B3GNT7: variants seen among roughly 807,000 people sequenced by gnomAD.
The protein encoded by B3GNT7 is UDP-GlcNAc:betaGal beta-1,3-N-acetylglucosaminyltransferase 7, also known as BGnT-7.
B3GNT7 carries 9 observed loss-of-function variants against 5.1 expected under a neutral mutation model. The observed-to-expected ratio is 1.77, with a 90% CI of 1.07 to 3.09. The LOEUF (loss-of-function observed/expected upper bound fraction) is 3.09, where lower values mean the gene tolerates loss of function less well. Among genes scored for constraint, B3GNT7 ranks in the 30% most tolerant of loss-of-function variants. B3GNT7 has a pLI of 0.00. For synonymous variants in B3GNT7, 253 were observed against 248.6 expected (o/e 1.02, Z -0.17); for missense variants, 468 against 550.8 (o/e 0.85, Z 1.50).
In B3GNT7 at chr2:231,398,705, T is replaced by G; in HGVS notation, c.986T>G (p.Phe329Cys). The change falls in exon 2 of 2, where the codon TTT becomes TGT. Residue 329 changes from phenylalanine to cysteine, a missense_variant. Coordinates refer to ENST00000287590, the MANE Select transcript of B3GNT7 (RefSeq NM_145236.3). ...TLELYPIDDV[F>C]LGMCLEVLGV... ...GAGCTCTACCCGATCGACGACGTCT[T>G]TCTGGGCATGTGCCTGGAGGTGCTG... The G allele has an allele frequency of 6.2e-7, 1 of 1,611,958 alleles. No homozygotes were observed. The highest frequency in any genetic ancestry group is 8.5e-7 in the Non-Finnish European group (1 of 1,179,804).
In B3GNT7 at chr2:231,398,153, C is replaced by T. The variant is rs1485862906; in HGVS notation, c.434C>T (p.Thr145Met). Reference sequence around the variant, plus strand: ...CTGGTGGTTGTCAAGTCGGTCATCACGCAGCACGACCGCCGCGAGGCCATC... The same window carrying T: ...CTGGTGGTTGTCAAGTCGGTCATCATGCAGCACGACCGCCGCGAGGCCATC... The part of the protein sequence containing the change: ...YLLVVVKSVI[T>M]QHDRREAIRQ... Residue 145 changes from threonine to methionine, a missense_variant, in exon 2 of 2, where the codon ACG (threonine) becomes ATG (methionine). Physicochemically the swap from Thr to Met is moderately conservative, Grantham distance 81 (BLOSUM62 -1). Coordinates refer to ENST00000287590, the MANE Select transcript of B3GNT7 (RefSeq NM_145236.3). 5.0e-6 allele frequency: 8 copies of T among 1,595,614 alleles called. No individual in the cohort carries two copies. Among genetic ancestry groups the T allele is most frequent in the East Asian group, 2.2e-5 (1 of 44,672 alleles).
chr2:231,398,250 G>A lies in B3GNT7; in HGVS notation c.531G>A (p.Leu177=), dbSNP rs1223266856. The A allele has an allele frequency of 2.5e-6, 4 of 1,611,890 alleles. No individual in the cohort carries two copies. The highest frequency in any genetic ancestry group is 2.7e-5 in the African/African-American group (2 of 74,924). Residue 177 remains leucine, a synonymous_variant, in exon 2 of 2, where the codon CTG becomes CTA. Coordinates refer to ENST00000287590, the MANE Select transcript of B3GNT7 (RefSeq NM_145236.3). ...GRGAVRTLFL[L]GTASKQEERT... Reference sequence around the variant, plus strand: ...GCGCCGTGCGCACCCTCTTCCTGCTGGGCACGGCCTCCAAGCAGGAGGAGC... The same window carrying A: ...GCGCCGTGCGCACCCTCTTCCTGCTAGGCACGGCCTCCAAGCAGGAGGAGC...
Position 231,400,914 on chromosome 2 carries a change from C to T in B3GNT7, c.*1989C>T, listed in dbSNP as rs796182315. On this transcript the variant is annotated 3_prime_UTR_variant, in exon 2 of 2. Coordinates refer to ENST00000287590, the MANE Select transcript of B3GNT7 (RefSeq NM_145236.3). The stretch of plus-strand genomic sequence containing the variant: ...TAATAATATTAACCCCTGACCAAAA[C>T]GACTGGTGTTATCTGTAAATCCCAG... 1 of 152,224 alleles carries T rather than the reference C, an allele frequency of 6.6e-6. No individual in the cohort carries two copies. Among genetic ancestry groups the T allele is most frequent in the Admixed American group, 6.5e-5 (1 of 15,282 alleles). The allele number at this position is 152,224 out of a possible 1,614,324, so 9.4% of individuals were successfully genotyped here.
At chr2:231,396,930 C>G (rs1382546420) in intron 1 of B3GNT7, among the ~76,000 whole-genome samples, 1 of 152,216 alleles carries the variant, frequency 6.6e-6, no homozygotes, top group Non-Finnish European at 1.5e-5. Context: ...CCCTCAAGGG[C>G]TGGAGCTGCA....
At position 231,398,612 on chromosome 2, in the gene B3GNT7, C is replaced by G; in HGVS notation, c.893C>G (p.Ala298Gly). Reference protein sequence around the residue: ...LYGKASYPPYAGGGGFLMAGS... With the variant: ...LYGKASYPPYGGGGGFLMAGS... ...GGCAAGGCCAGCTATCCGCCGTATG[C>G]AGGCGGCGGTGGCTTCCTCATGGCC... Residue 298 changes from alanine to glycine, a missense_variant, in exon 2 of 2, where the codon GCA becomes GGA. By Grantham distance (60) the Ala-to-Gly change is moderately conservative. Coordinates refer to ENST00000287590, the MANE Select transcript of B3GNT7 (RefSeq NM_145236.3). 1.2e-6 allele frequency: 2 copies of G among 1,612,468 alleles called. No individual in the cohort carries two copies. The highest frequency in any genetic ancestry group is 1.7e-6 in the Non-Finnish European group (2 of 1,179,582).
In B3GNT7 at chr2:231,398,211, G is replaced by A. The variant is rs201874871; in HGVS notation, c.492G>A (p.Ala164=). 2.3e-5 allele frequency: 37 copies of A among 1,597,900 alleles called. No individual in the cohort carries two copies. Among genetic ancestry groups the A allele is most frequent in the Middle Eastern group, 3.3e-4 (2 of 5,994 alleles). ...CCTGGGGCCGCGAGCGGCAGTCCGC[G>A]GGTGGGGGCCGAGGCGCCGTGCGCA... is the stretch of plus-strand genomic sequence containing the variant. The part of the protein sequence containing the change: ...RQTWGRERQS[A]GGGRGAVRTL... Residue 164 remains alanine, a synonymous_variant, in exon 2 of 2, where the codon GCG becomes GCA. Transcript: ENST00000287590.
rs2046555184 is a variant in B3GNT7 at position 231,400,587 on chromosome 2, C to G, written c.*1662C>G. 1 of 152,394 alleles carries G rather than the reference C, an allele frequency of 6.6e-6. No homozygotes were observed. The highest frequency in any genetic ancestry group is 2.4e-5 in the African/African-American group (1 of 41,438). 9.4% of individuals were successfully genotyped at this position (152,394 alleles called of 1,614,324 possible). On this transcript the variant is annotated 3_prime_UTR_variant, in exon 2 of 2. Coordinates refer to ENST00000287590, the MANE Select transcript of B3GNT7 (RefSeq NM_145236.3). ...CTCCAGGGTGGGGAGGGAGCTACCC[C>G]CAGGAGAAGAGTCACTCAGACAGCA...
At position 231,397,717 on chromosome 2, in the gene B3GNT7, G is replaced by C; in HGVS notation, c.12-14G>C. The stretch of plus-strand genomic sequence containing the variant: ...CTTTTCTCTCTCCTCTGTACTGTCC[G>C]CTCTCCCCCACAGGAAGAAAACCGT... On this transcript the variant is annotated splice_polypyrimidine_tract_variant and intron_variant, in intron 1 of 1. Transcript: ENST00000287590. The C allele has an allele frequency of 1.3e-6, 2 of 1,598,002 alleles. No individual in the cohort carries two copies. The highest frequency in any genetic ancestry group is 8.5e-7 in the Non-Finnish European group (1 of 1,172,838).
intron 1 of B3GNT7, among the ~76,000 whole-genome samples, chr2:231,397,440 T>A (rs911128350): frequency 6.6e-6 from 1 of 152,094 alleles, no homozygotes. Flanking sequence ...TTAGCCCCAT[T>A]TGGGGGAAGA....
intron 1 of B3GNT7, chr2:231,397,308 G>C: frequency 1.0e-6 from 1 of 979,684 alleles, no homozygotes; most frequent in Non-Finnish European, 1.2e-6. Context: ...AAAGGCATTG[G>C]GGTTCCAGGC....
At position 231,399,097 on chromosome 2, in the gene B3GNT7, C is replaced by CTG; in HGVS notation, c.*177_*178dup. 6.4e-6 allele frequency: 4 copies of CTG among 621,604 alleles called. No individual in the cohort carries two copies. The highest frequency in any genetic ancestry group is 1.1e-5 in the Non-Finnish European group (4 of 358,618). The allele number at this position is 621,604 out of a possible 1,614,324, so 38.5% of individuals were successfully genotyped here. ...TGCAGGTAGCCAGAAAGGGACCTCC[C>CTG]TGTGTGGATAATTCTAGGAAACTGA... On this transcript the variant is annotated 3_prime_UTR_variant, in exon 2 of 2. Coordinates refer to ENST00000287590, the MANE Select transcript of B3GNT7 (RefSeq NM_145236.3).
chr2:231,400,465 A>G lies in B3GNT7; in HGVS notation c.*1540A>G, dbSNP rs1350099394. 8 of 152,282 alleles carry G rather than the reference A, an allele frequency of 5.3e-5. No homozygotes were observed. Among genetic ancestry groups the G allele is most frequent in the Non-Finnish European group, 1.0e-4 (7 of 68,104 alleles). 9.4% of individuals were successfully genotyped at this position (152,282 alleles called of 1,614,324 possible). On this transcript the variant is annotated 3_prime_UTR_variant, in exon 2 of 2. Coordinates refer to ENST00000287590, the MANE Select transcript of B3GNT7 (RefSeq NM_145236.3). ...GTGGGTGAGATTAGGTCGGCCGTAC[A>G]GAGGCCGGTGGGCTCCCTGACATCC...
intron 1 of B3GNT7, chr2:231,397,339 T>C (rs2046523905): frequency 1.2e-6 from 1 of 842,056 alleles, no homozygotes; most frequent in South Asian, 5.3e-5. Flanking sequence ...GGGCAGAGGT[T>C]TCCACCTGAG....
Position 231,395,886 on chromosome 2 carries a change from A to C in B3GNT7, c.11+72A>C. The C allele has an allele frequency of 9.6e-7, 1 of 1,045,922 alleles. No homozygotes were observed. Among genetic ancestry groups the C allele is most frequent in the Non-Finnish European group, 1.2e-6 (1 of 842,310 alleles). 64.8% of individuals were successfully genotyped at this position (1,045,922 alleles called of 1,614,324 possible). On this transcript the variant is annotated intron_variant, in intron 1 of 1. Coordinates refer to ENST00000287590, the MANE Select transcript of B3GNT7 (RefSeq NM_145236.3). The surrounding 1 kb of genome is among the most constrained non-coding windows in gnomAD (Gnocchi z 7.3). ...CCGGGGCTCCCCCTCCTCCGTGGCC[A>C]CAGACGGGCGCCGGGACTCCCGGGA... is the stretch of plus-strand genomic sequence containing the variant.
chr2:231,398,595 C>T lies in B3GNT7; in HGVS notation c.876C>T (p.Ala292=). 6.2e-7 allele frequency: 1 copy of T among 1,612,770 alleles called. No homozygotes were observed. Among genetic ancestry groups the T allele is most frequent in the Non-Finnish European group, 8.5e-7 (1 of 1,179,630 alleles). ...TCCCGGGGGCCCTGTACGGCAAGGC[C>T]AGCTATCCGCCGTATGCAGGCGGCG... ...YYIPGALYGK[A]SYPPYAGGGG... Residue 292 remains alanine (A), a synonymous_variant, in exon 2 of 2, where the codon GCC becomes GCT. Coordinates refer to ENST00000287590, the MANE Select transcript of B3GNT7 (RefSeq NM_145236.3).
Position 231,397,869 on chromosome 2 carries a change from G to C in B3GNT7, c.150G>C (p.Lys50Asn). ...PPTLEPQKAQ[K>N]PNGQLVNPNN... ...CCCTGGAGCCACAGAAGGCCCAGAA[G>C]CCAAATGGACAGCTGGTGAACCCCA... is the stretch of plus-strand genomic sequence containing the variant. The change falls in exon 2 of 2, where the codon AAG (lysine) becomes AAC (asparagine). Residue 50 changes from lysine to asparagine, a missense_variant. Coordinates refer to ENST00000287590, the MANE Select transcript of B3GNT7 (RefSeq NM_145236.3). 1 of 1,613,896 alleles carries C rather than the reference G, an allele frequency of 6.2e-7. No homozygotes were observed. Among genetic ancestry groups the C allele is most frequent in the Non-Finnish European group, 8.5e-7 (1 of 1,179,892 alleles).
rs533875553 is a variant in B3GNT7 at position 231,398,125 on chromosome 2, C to T, written c.406C>T (p.Leu136=). Residue 136 remains leucine (L), a synonymous_variant, in exon 2 of 2, where the codon CTG becomes TTG. Transcript: ENST00000287590. ...HPEKCRGDVY[L]LVVVKSVITQ... ...GGAGAAGTGCAGGGGCGATGTCTAC[C>T]TGCTGGTGGTTGTCAAGTCGGTCAT... The T allele has an allele frequency of 1.9e-6, 3 of 1,605,980 alleles. No homozygotes were observed. In the East Asian group the frequency reaches 6.7e-5, roughly 36 times the overall value.
chr2:231,400,650 C>T lies in B3GNT7; in HGVS notation c.*1725C>T, dbSNP rs1345864466. ...CAGCCAGCAGCTCCGTGCCTGCACC[C>T]AGCTCAGGGGAATCCCAGGGGGTTC... On this transcript the variant is annotated 3_prime_UTR_variant, in exon 2 of 2. Coordinates refer to ENST00000287590, the MANE Select transcript of B3GNT7 (RefSeq NM_145236.3). 1 of 152,754 alleles carries T rather than the reference C, an allele frequency of 6.5e-6. No individual in the cohort carries two copies. Among genetic ancestry groups the T allele is most frequent in the Non-Finnish European group, 1.5e-5 (1 of 68,466 alleles). 9.5% of individuals were successfully genotyped at this position (152,754 alleles called of 1,614,324 possible).
chr2:231,399,022 C>A lies in B3GNT7; in HGVS notation c.*97C>A. 8.6e-7 allele frequency: 1 copy of A among 1,156,646 alleles called. No individual in the cohort carries two copies. The highest frequency in any genetic ancestry group is 1.6e-5 in the South Asian group (1 of 62,462). The allele number at this position is 1,156,646 out of a possible 1,614,324, so 71.6% of individuals were successfully genotyped here. A position where few individuals can be genotyped will look rare whatever the true frequency, so the allele number is the denominator to read the frequency against. On this transcript the variant is annotated 3_prime_UTR_variant, in exon 2 of 2. Coordinates refer to ENST00000287590, the MANE Select transcript of B3GNT7 (RefSeq NM_145236.3). Reference sequence around the variant, plus strand: ...AGTGCCCAGGCCTAGCCTTTGGTCCCCAAGGGGAGGTGGAGGGTTGAGGCC... The same window carrying A: ...AGTGCCCAGGCCTAGCCTTTGGTCCACAAGGGGAGGTGGAGGGTTGAGGCC...
Sources: allele counts gnomAD v4.1 joint callset (sites outside exome capture counted in the v4.1 genomes callset), GRCh38; gene constraint gnomAD v4.1.1; non-coding constraint Gnocchi (gnomAD v3.1); transcripts MANE v1.5; gene names NCBI Gene and HGNC (gene_info 2026-07-23, HGNC 2026-07-21).